RNF111: variants seen among roughly 807,000 people sequenced by gnomAD.
RNF111 encodes ring finger protein 111.
RNF111 carries 17 observed loss-of-function variants against 95.1 expected under a neutral mutation model. The ratio of observed to expected loss-of-function variants is 0.18; its 90% CI spans 0.12 to 0.27. The LOEUF (loss-of-function observed/expected upper bound fraction) is 0.27. RNF111 is among the 10% of genes least tolerant of loss of function. The pLI is 1.00. For synonymous variants in RNF111, 440 were observed against 414.8 expected (o/e 1.06, Z -0.74); for missense variants, 1,189 against 1,210.4 (o/e 0.98, Z 0.26).
At chr15:59,057,803 C>A (rs530374624) in intron 4 of RNF111, among the ~76,000 whole-genome samples, 1 of 152,196 alleles carries the variant, frequency 6.6e-6, no homozygotes, top group Non-Finnish European at 1.5e-5. Flanking sequence ...AGTATGTGAT[C>A]TCAGTTCATC....
intron 1 of RNF111, among the ~76,000 whole-genome samples, chr15:59,001,157 G>A (rs899755815): frequency 2.0e-5 from 3 of 152,148 alleles, no homozygotes; most frequent in African/African-American, 7.2e-5. Flanking sequence ...TCAAGGCAGC[G>A]TGACTAGCCA....
intron 2 of RNF111, among the ~76,000 whole-genome samples, chr15:59,038,943 T>C (rs557907187): frequency 4.6e-4 from 70 of 152,116 alleles, no homozygotes; most frequent in Non-Finnish European, 5.6e-4. Flanking sequence ...CTTGCCCAGA[T>C]TCATTATATT....
chr15:59,052,160 T>C (rs571278408), intron 2 of RNF111, 145 bp from the exon 3 acceptor site: 250 of 632,326 alleles, frequency 4.0e-4, no homozygotes, highest in Admixed American at 5.4e-4. Flanking sequence ...TTGTTCCTTG[T>C]GTATTTTTTT....
At chr15:59,089,305 A>C (rs1263005325) in intron 10 of RNF111, among the ~76,000 whole-genome samples, 2 of 152,200 alleles carry the variant, frequency 1.3e-5, no homozygotes, top group Non-Finnish European at 2.9e-5. Context: ...GAAGCTTAAC[A>C]GAAGTGAAGT....
chr15:59,036,151 C>G (rs1254238527), intron 2 of RNF111, among the ~76,000 whole-genome samples: 2 of 152,114 alleles, frequency 1.3e-5, no homozygotes, highest in Non-Finnish European at 2.9e-5. Context: ...TCTTGGCTCA[C>G]TGCAACCTCT....
chr15:59,062,217 A>AT (rs1285157029), intron 5 of RNF111, among the ~76,000 whole-genome samples: 5 of 151,738 alleles, frequency 3.3e-5, no homozygotes, highest in East Asian at 1.9e-4. Flanking sequence ...CAATTTATGT[A>AT]TTTTTTGTAG....
intron 6 of RNF111, among the ~76,000 whole-genome samples, chr15:59,067,487 G>A (rs1192765629): frequency 6.6e-6 from 1 of 151,772 alleles, no homozygotes; most frequent in Non-Finnish European, 1.5e-5. Context: ...AAACCCCTAG[G>A]GATAGATTTT....
In RNF111 at chr15:59,055,524, A is replaced by G. The variant is rs2042166728; in HGVS notation, c.1008-158A>G. On this transcript the variant is annotated intron_variant, in intron 3 of 13. Transcript: ENST00000348370. ...TATTTCTTATATTCTTAGGTCAATT[A>G]GTTTACCGAGTGCCAGTCATGATTT... is the stretch of plus-strand genomic sequence containing the variant. 1.9e-4 allele frequency among the ~76,000 whole-genome samples: 10 copies of G among 52,138 alleles called. No individual in the cohort carries two copies. In the Admixed American group the frequency reaches 2.2e-3, roughly 11 times the overall value. The allele number at this position is 52,138 out of a possible 152,430, so 34.2% of individuals were successfully genotyped here. A position where few individuals can be genotyped will look rare whatever the true frequency, so the allele number is the denominator to read the frequency against.
chr15:59,056,766 C>T (rs1232615205), intron 4 of RNF111, among the ~76,000 whole-genome samples: 1 of 152,078 alleles, frequency 6.6e-6, no homozygotes, highest in East Asian at 1.9e-4. Context: ...TGTAAATGAT[C>T]TGTAAGACAG....
chr15:59,094,990 A>T lies in RNF111; in HGVS notation c.*90A>T, dbSNP rs2079153586. 1.2e-6 allele frequency: 1 copy of T among 802,100 alleles called. No homozygotes were observed. Among genetic ancestry groups the T allele is most frequent in the East Asian group, 2.5e-5 (1 of 40,470 alleles). 49.7% of individuals were successfully genotyped at this position (802,100 alleles called of 1,614,324 possible). A position where few individuals can be genotyped will look rare whatever the true frequency, so the allele number is the denominator to read the frequency against. On this transcript the variant is annotated 3_prime_UTR_variant, in exon 14 of 14. Coordinates refer to ENST00000348370, the MANE Select transcript of RNF111 (RefSeq NM_017610.8). ...AAGATGGCATGACTTACCTGCGCAGATTTGGAAGCATTGAACTTAGAGTGC... is the reference window on the plus strand; with the variant it reads ...AAGATGGCATGACTTACCTGCGCAGTTTTGGAAGCATTGAACTTAGAGTGC...
intron 6 of RNF111, among the ~76,000 whole-genome samples, chr15:59,068,601 G>A (rs886446693): frequency 1.3e-5 from 2 of 152,094 alleles, no homozygotes; most frequent in Non-Finnish European, 2.9e-5. Flanking sequence ...GCAAGACTCC[G>A]AAGTTCGTTT....
chr15:59,089,514 A>G (rs1254158949), intron 10 of RNF111, among the ~76,000 whole-genome samples, 153 bp from the exon 11 acceptor site: 1 of 152,214 alleles, frequency 6.6e-6, no homozygotes, highest in Non-Finnish European at 1.5e-5. Context: ...AACCTGTTAC[A>G]GAATGCTTAG....
chr15:59,030,333 A>G (rs1274939367), intron 1 of RNF111, among the ~76,000 whole-genome samples: 2 of 152,210 alleles, frequency 1.3e-5, no homozygotes, highest in East Asian at 1.9e-4. Context: ...AATAATATCA[A>G]TCTAATGTAG....
At chr15:59,023,441 G>C (rs969315524) in intron 1 of RNF111, among the ~76,000 whole-genome samples, 1 of 151,952 alleles carries the variant, frequency 6.6e-6, no homozygotes, top group African/African-American at 2.4e-5. Flanking sequence ...CATTCCTCTT[G>C]TAAGTAGTAT....
At chr15:59,024,124 A>T (rs1257120783) in intron 1 of RNF111, among the ~76,000 whole-genome samples, 1 of 152,166 alleles carries the variant, frequency 6.6e-6, no homozygotes, top group Non-Finnish European at 1.5e-5. Flanking sequence ...TGAAGAAGGA[A>T]ATTGAGCAAT....
In RNF111 at chr15:59,097,305, G is replaced by A. The variant is rs1239451738; in HGVS notation, c.*2405G>A. 1.3e-5 allele frequency: 2 copies of A among 152,236 alleles called. No individual in the cohort carries two copies. Among genetic ancestry groups the A allele is most frequent in the Non-Finnish European group, 2.9e-5 (2 of 68,046 alleles). The allele number at this position is 152,236 out of a possible 1,614,324, so 9.4% of individuals were successfully genotyped here. Reference sequence around the variant, plus strand: ...TATTTTTATTGTTGTTAACATGCAAGTGATAAACTGATAATTTGAAACATT... The same window carrying A: ...TATTTTTATTGTTGTTAACATGCAAATGATAAACTGATAATTTGAAACATT... On this transcript the variant is annotated 3_prime_UTR_variant, in exon 14 of 14. Coordinates refer to ENST00000348370, the MANE Select transcript of RNF111 (RefSeq NM_017610.8).
At chr15:59,055,942 A>T in intron 4 of RNF111, 97 bp downstream of exon 4, 1 of 880,806 alleles carries the variant, frequency 1.1e-6, no homozygotes, top group African/African-American at 1.7e-5. Context: ...CTGGTAATAT[A>T]TTATTAAACT....
chr15:59,031,737 T>G (rs767581446), intron 2 of RNF111, 35 bp downstream of exon 2: 3 of 1,568,228 alleles, frequency 1.9e-6, no homozygotes, highest in Non-Finnish European at 2.6e-6. Context: ...ACATGGAACC[T>G]ATTGCATTGC....
intron 13 of RNF111, among the ~76,000 whole-genome samples, chr15:59,094,547 G>C (rs2079142540): frequency 1.3e-5 from 2 of 152,076 alleles, no homozygotes; most frequent in African/African-American, 4.8e-5. Flanking sequence ...TGTAATTTGT[G>C]TTCTTACAGT....
Sources: allele counts gnomAD v4.1 joint callset (sites outside exome capture counted in the v4.1 genomes callset), GRCh38; gene constraint gnomAD v4.1.1; transcripts MANE v1.5; gene names NCBI Gene and HGNC (gene_info 2026-07-23, HGNC 2026-07-21).